The following KCNMA1 variants were observed in gnomAD, a reference collection of about 807,000 sequenced individuals.
KCNMA1 encodes Calcium-activated potassium channel subunit alpha-1.
In KCNMA1, 29 loss-of-function variants were observed where a neutral mutation model predicts 140.0. The ratio of observed to expected loss-of-function variants is 0.21; its 90% CI spans 0.15 to 0.28. The LOEUF is 0.28. KCNMA1 is among the 10% of genes least tolerant of loss of function. KCNMA1 has a pLI of 1.00. For missense variants in KCNMA1, 880 were observed against 1,602.2 expected, an observed-to-expected ratio of 0.55 and a Z score of 7.70; for synonymous variants, 612 against 611.9, an observed-to-expected ratio of 1.00 and a Z score of 0.00.
chr10:77,500,270 A>C (rs1015301590), intron 1 of KCNMA1, among the ~76,000 whole-genome samples: 10 of 150,864 alleles, frequency 6.6e-5, no homozygotes, highest in African/African-American at 2.4e-4. Flanking sequence ...ATAATAAATA[A>C]ATATATAAAA....
chr10:77,508,581 CTT>C (rs761735012), intron 1 of KCNMA1, among the ~76,000 whole-genome samples: 15,396 of 98,282 alleles, frequency 0.16, 321 homozygotes, highest in Middle Eastern at 0.27. Context: ...TTTTTCTTTT[CTT>C]TTTTTTTTTT....
At chr10:76,938,205 TTTTCCTGGATTAAGGACTTCA>T (rs1393317970) in intron 23 of KCNMA1, among the ~76,000 whole-genome samples, 5 of 152,154 alleles carry the variant, frequency 3.3e-5, no homozygotes, top group African/African-American at 1.2e-4. Flanking sequence ...AGAAGCAAAC[TTTTCCTGGATTAAGGACTTCA>T]TTTCCACCCT....
At chr10:77,061,879 T>C (rs576568049) in intron 14 of KCNMA1, among the ~76,000 whole-genome samples, 6 of 152,202 alleles carry the variant, frequency 3.9e-5, no homozygotes, top group Non-Finnish European at 5.9e-5. Context: ...AAGGGAACTA[T>C]GCTAAATGAA....
intron 24 of KCNMA1, chr10:76,913,844 T>A: frequency 1.8e-6 from 1 of 550,720 alleles, no homozygotes; most frequent in Non-Finnish European, 3.2e-6. Flanking sequence ...TGATCAAAGG[T>A]TTACTGATGC....
chr10:77,576,209 T>C (rs1803159285), intron 1 of KCNMA1, among the ~76,000 whole-genome samples: 1 of 152,162 alleles, frequency 6.6e-6, no homozygotes, highest in South Asian at 2.1e-4. Context: ...CTGCCAAATC[T>C]ACATTCTTCC....
intron 1 of KCNMA1, among the ~76,000 whole-genome samples, chr10:77,471,439 C>T (rs1177956118): frequency 2.7e-5 from 4 of 150,918 alleles, no homozygotes; most frequent in Non-Finnish European, 5.9e-5. Flanking sequence ...CAATGCAACT[C>T]ACACTACACA....
intron 3 of KCNMA1, among the ~76,000 whole-genome samples, chr10:77,207,049 T>C (rs1023072471): frequency 2.0e-5 from 3 of 152,176 alleles, no homozygotes; most frequent in African/African-American, 7.2e-5. Flanking sequence ...CCTGGAAAGA[T>C]GTTTGACATC....
At chr10:77,247,605 G>A (rs368938641) in intron 3 of KCNMA1, among the ~76,000 whole-genome samples, 82 of 152,176 alleles carry the variant, frequency 5.4e-4, no homozygotes, top group Admixed American at 1.8e-3. Flanking sequence ...CTAAAGTGAC[G>A]TGTGACATAA....
intron 2 of KCNMA1, among the ~76,000 whole-genome samples, chr10:77,259,413 C>G (rs1361462850): frequency 6.6e-6 from 1 of 151,430 alleles, no homozygotes; most frequent in African/African-American, 2.5e-5. Flanking sequence ...GTGCAATGGA[C>G]TGAATTCTTA....
intron 2 of KCNMA1, among the ~76,000 whole-genome samples, chr10:77,392,722 C>G (rs10824537): frequency 0.23 from 35,630 of 152,188 alleles, 5,423 homozygotes; most frequent in Non-Finnish European, 0.35. Flanking sequence ...GGGTCTTTAT[C>G]TTCTGGTGAC....
At chr10:77,382,756 T>G (rs1017421709) in intron 2 of KCNMA1, among the ~76,000 whole-genome samples, 1 of 146,706 alleles carries the variant, frequency 6.8e-6, no homozygotes, top group Non-Finnish European at 1.5e-5. Context: ...TCCCAGCTAC[T>G]CAGGAGCCTG....
chr10:76,956,530 T>C (rs1462424150), intron 20 of KCNMA1, among the ~76,000 whole-genome samples: 1 of 152,218 alleles, frequency 6.6e-6, no homozygotes, highest in Non-Finnish European at 1.5e-5. Context: ...GCATGGTACC[T>C]GGAATTCTAA....
rs987899947 is a variant in KCNMA1, at chr10:77,464,472, A to C, written c.379-60449T>G. On this transcript the variant is annotated intron_variant, in intron 1 of 27. Coordinates refer to ENST00000286628, the MANE Select transcript of KCNMA1 (RefSeq NM_001161352.2). ...ATCTCTCCATTAAAAAAAAAAAATT[A>C]TAAAGCAGCCTCTTGCTAATGGGGA... Among the ~76,000 whole-genome samples the C allele has an allele frequency of 7.2e-5, 11 of 152,068 alleles. No individual in the cohort carries two copies. In the East Asian group the frequency reaches 2.1e-3, roughly 29 times the overall value.
intron 9 of KCNMA1, among the ~76,000 whole-genome samples, chr10:77,098,918 G>C (rs1564526359): frequency 1.3e-5 from 2 of 152,004 alleles, no homozygotes; most frequent in Non-Finnish European, 2.9e-5. Flanking sequence ...CTTTGGGCTT[G>C]GTGGCCTTTG....
intron 17 of KCNMA1, 173 bp from the exon 18 acceptor site, chr10:77,012,216 T>A: frequency 6.7e-7 from 1 of 1,488,092 alleles, no homozygotes; most frequent in East Asian, 2.5e-5. Context: ...CAAGACCATT[T>A]ATTTCAAACA....
rs1350942213 is a variant in KCNMA1, at chr10:76,885,194, C to CAT, written c.*2070_*2071dup. On this transcript the variant is annotated 3_prime_UTR_variant, in exon 28 of 28. Transcript: ENST00000286628. The stretch of plus-strand genomic sequence containing the variant: ...CTTCATGATCCAATACTAGGGGATA[C>CAT]ATATATATAGTTATATATATAGTTA... 3.4e-6 allele frequency: 3 copies of CAT among 876,000 alleles called. No homozygotes were observed. Among genetic ancestry groups the CAT allele is most frequent in the East Asian group, 1.2e-4 (2 of 17,142 alleles). The allele number at this position is 876,000 out of a possible 1,614,324, so 54.3% of individuals were successfully genotyped here. A position where few individuals can be genotyped will look rare whatever the true frequency, so the allele number is the denominator to read the frequency against.
chr10:77,250,798 G>A (rs2059525985), intron 3 of KCNMA1: 1 of 232,660 alleles, frequency 4.3e-6, no homozygotes. Context: ...TTGAGAAAAG[G>A]ATCCTACAAC....
intron 1 of KCNMA1, among the ~76,000 whole-genome samples, chr10:77,474,914 C>A (rs2098244252): frequency 6.6e-6 from 1 of 152,114 alleles, no homozygotes; most frequent in African/African-American, 2.4e-5. Flanking sequence ...AAGAGCCTTC[C>A]AGGACTAACA....
rs2075209318 is a variant in KCNMA1, at chr10:76,969,298, G to GA, written c.2360+675dup. On this transcript the variant is annotated intron_variant, in intron 20 of 27. Transcript: ENST00000286628. ...AGGGGGAAGAAGGGAAGGAAGGAAG[G>GA]AGGGAAGGAAGGAAGGAAGGAAGGA... 4.7e-5 allele frequency among the ~76,000 whole-genome samples: 6 copies of GA among 128,804 alleles called. No individual in the cohort carries two copies. In the East Asian group the frequency reaches 7.1e-4, roughly 15 times the overall value. The allele number at this position is 128,804 out of a possible 152,430, so 84.5% of individuals were successfully genotyped here. A position where few individuals can be genotyped will look rare whatever the true frequency, so the allele number is the denominator to read the frequency against.
Sources: gnomAD v4.1 joint callset for allele counts (sites outside exome capture counted in the v4.1 genomes callset) on GRCh38, gnomAD v4.1.1 for gene constraint, MANE v1.5 for transcripts, NCBI Gene and HGNC (gene_info 2026-07-23, HGNC 2026-07-21) for gene names.